Variants in ACAD10 observed in about 807,000 individuals in gnomAD.
ACAD10 encodes the protein ACAD-10.
A neutral mutation model predicts 116.8 loss-of-function variants in ACAD10; 112 were observed. The observed-to-expected ratio is 0.96, with a 90% CI of 0.82 to 1.12. ACAD10 has a LOEUF of 1.12. ACAD10 is among the 50% of genes most tolerant of loss of function. ACAD10 has a pLI of 0.00. For synonymous variants in ACAD10, 486 were observed against 510.6 expected (o/e 0.95, Z 0.65); for missense variants, 1,259 against 1,350.2 (o/e 0.93, Z 1.06).
chr12:111,734,608 G>A (rs988967848), intron 11 of ACAD10, among the ~76,000 whole-genome samples: 2 of 151,842 alleles, frequency 1.3e-5, no homozygotes, highest in African/African-American at 4.8e-5. Context: ...TGGGCAACAG[G>A]GCGAGACTCC....
chr12:111,749,458 G>A (rs1890009507), intron 18 of ACAD10, 113 bp downstream of exon 18: 4 of 1,368,516 alleles, frequency 2.9e-6, no homozygotes, highest in Non-Finnish European at 3.9e-6. Flanking sequence ...GTGAAGCAAG[G>A]TGATGTCCTT....
chr12:111,690,487 A>G (rs1405921207), intron 1 of ACAD10: 1 of 152,048 alleles, frequency 6.6e-6, no homozygotes, highest in Non-Finnish European at 1.5e-5. Flanking sequence ...CTCAACCTCT[A>G]CAGTTTTTTA....
At chr12:111,689,198 T>C (rs1235506912) in intron 1 of ACAD10, among the ~76,000 whole-genome samples, 1 of 151,656 alleles carries the variant, frequency 6.6e-6, no homozygotes, top group Non-Finnish European at 1.5e-5. Flanking sequence ...TCAAAAAATA[T>C]ATATATTTAA....
intron 8 of ACAD10, among the ~76,000 whole-genome samples, chr12:111,722,516 A>G (rs1299543323): frequency 6.6e-6 from 1 of 151,292 alleles, no homozygotes; most frequent in Admixed American, 6.6e-5. Flanking sequence ...TGGTTTTCCT[A>G]GCAGAGGACC....
At chr12:111,753,612 C>A in intron 18 of ACAD10, 160 bp from the exon 19 acceptor site, 8 of 950,858 alleles carry the variant, frequency 8.4e-6, no homozygotes, top group African/African-American at 1.6e-5. Context: ...CATGGCTGCA[C>A]ACAGGCACCT....
chr12:111,726,513 A>C (rs1159553654), intron 8 of ACAD10, among the ~76,000 whole-genome samples: 1 of 152,116 alleles, frequency 6.6e-6, no homozygotes, highest in South Asian at 2.1e-4. Context: ...ATACCCTGGA[A>C]GCTCCCTTAA....
In ACAD10 at chr12:111,747,139, C is replaced by G; in HGVS notation, c.2347C>G (p.Leu783Val). 1 of 1,613,326 alleles carries G rather than the reference C, an allele frequency of 6.2e-7. No individual in the cohort carries two copies. Among genetic ancestry groups the G allele is most frequent in the South Asian group, 1.1e-5 (1 of 90,984 alleles). Residue 783 changes from leucine to valine, a missense_variant, in exon 15 of 21, where the codon CTG becomes GTG. Transcript: ENST00000313698. ...GCAGAAGGCTCGCTGGCTGATTCCT[C>G]TGCTGGAGGGGAAAGCCCGCTCCTG... ...EAQKARWLIPLLEGKARSCFA... is the reference protein window; with the variant it reads ...EAQKARWLIPVLEGKARSCFA...
In ACAD10 at chr12:111,712,989, C is replaced by T. The variant is rs762599023; in HGVS notation, c.850+332C>T. Among the ~76,000 whole-genome samples the T allele has an allele frequency of 4.6e-5, 7 of 152,234 alleles. 1 individual carries two copies. The highest frequency in any genetic ancestry group is 4.1e-4 in the South Asian group (2 of 4,822). On this transcript the variant is annotated intron_variant, in intron 6 of 20. Coordinates refer to ENST00000313698, the MANE Select transcript of ACAD10 (RefSeq NM_025247.6). Reference sequence around the variant, plus strand: ...TTTTACAGTTTCTAATGCTTTGAGACGACAGCCCATTTTGTGAAGACGACT... The same window carrying T: ...TTTTACAGTTTCTAATGCTTTGAGATGACAGCCCATTTTGTGAAGACGACT...
chr12:111,699,338 C>G (rs1888282772), intron 2 of ACAD10, among the ~76,000 whole-genome samples: 1 of 152,128 alleles, frequency 6.6e-6, no homozygotes, highest in Admixed American at 6.6e-5. Flanking sequence ...ATTGAATAGT[C>G]ACTGCTAAAA....
At chr12:111,756,208 A>G (rs1420638541) in intron 20 of ACAD10, 125 bp from the exon 21 acceptor site, 5 of 1,445,068 alleles carry the variant, frequency 3.5e-6, no homozygotes, top group Non-Finnish European at 3.6e-6. Flanking sequence ...ATTGTATCAC[A>G]TAGGTGCCAC....
chr12:111,749,543 C>A, intron 18 of ACAD10, 198 bp downstream of exon 18: 1 of 719,780 alleles, frequency 1.4e-6, no homozygotes, highest in Non-Finnish European at 2.2e-6. Flanking sequence ...GAATGGACCC[C>A]ACTCTGTCGA....
chr12:111,753,802 C>T lies in ACAD10; in HGVS notation c.2848C>T (p.Leu950=), dbSNP rs373236352. ...GTCCCGCTTGGCTTTTGGGAAGCCC[C>T]TGGTGGAGCAGGGCACAGTGCTGGC... ...VKSRLAFGKP[L]VEQGTVLADI... The change falls in exon 19 of 21, where the codon CTG becomes TTG. Residue 950 remains leucine (L), a synonymous_variant. Transcript: ENST00000313698. The T allele has an allele frequency of 3.7e-6, 6 of 1,613,894 alleles. No homozygotes were observed. In the African/African-American group the frequency reaches 5.3e-5, roughly 14 times the overall value.
rs1214974762 is a variant in ACAD10 at position 111,746,934 on chromosome 12, A to G, written c.2257-115A>G. 6.4e-6 allele frequency: 9 copies of G among 1,397,450 alleles called. No homozygotes were observed. In the Admixed American group the frequency reaches 1.9e-4, roughly 30 times the overall value. The allele number at this position is 1,397,450 out of a possible 1,614,324, so 86.6% of individuals were successfully genotyped here. A position where few individuals can be genotyped will look rare whatever the true frequency, so the allele number is the denominator to read the frequency against. On this transcript the variant is annotated intron_variant, in intron 14 of 20. Coordinates refer to ENST00000313698, the MANE Select transcript of ACAD10 (RefSeq NM_025247.6). ...AGGATGGCTTGAGCTGAGGAAGTCG[A>G]GGCTGCAGTGAGCCATGATCGTGCC...
chr12:111,737,045 T>G, intron 12 of ACAD10, 41 bp downstream of exon 12: 3 of 1,599,922 alleles, frequency 1.9e-6, no homozygotes, highest in Non-Finnish European at 2.6e-6. Flanking sequence ...GCGGGGTGAG[T>G]CACAGCAAGG....
chr12:111,734,448 AACCCTGTCTCT>A (rs1311537605), intron 11 of ACAD10, among the ~76,000 whole-genome samples: 8 of 151,974 alleles, frequency 5.3e-5, no homozygotes, highest in Non-Finnish European at 1.2e-4. Context: ...CAACATGGTG[AACCCTGTCTCT>A]ACTAAAAATA....
intron 10 of ACAD10, among the ~76,000 whole-genome samples, chr12:111,731,235 CAT>C (rs1163252920): frequency 7.9e-5 from 12 of 152,226 alleles, no homozygotes; most frequent in African/African-American, 2.4e-4. Flanking sequence ...CTTTCTTTGT[CAT>C]GTGGTCATCA....
rs764274344 is a variant in ACAD10, at chr12:111,737,029, G to A, written c.1714+25G>A. ...GGTAATGGGATGGCTGCCCTGAAGA[G>A]CCACTGCGGGGTGAGTCACAGCAAG... On this transcript the variant is annotated intron_variant, in intron 12 of 20. Transcript: ENST00000313698. The A allele has an allele frequency of 3.7e-6, 6 of 1,609,830 alleles. 1 individual carries two copies. Among genetic ancestry groups the A allele is most frequent in the Middle Eastern group, 1.7e-4 (1 of 5,966 alleles).
At chr12:111,689,833 A>G (rs543137298) in intron 1 of ACAD10, among the ~76,000 whole-genome samples, 11 of 151,146 alleles carry the variant, frequency 7.3e-5, no homozygotes, top group Non-Finnish European at 1.5e-4. Context: ...CTCCTGCCTC[A>G]GCCTCTTGAG....
intron 10 of ACAD10, 46 bp downstream of exon 10, chr12:111,730,002 T>C (rs1889342881): frequency 6.3e-7 from 1 of 1,592,014 alleles, no homozygotes; most frequent in Non-Finnish European, 8.6e-7. Flanking sequence ...GCAAGGATGC[T>C]CCAAGGGGGA....
Sources: gnomAD v4.1 joint callset for allele counts (sites outside exome capture counted in the v4.1 genomes callset) on GRCh38, gnomAD v4.1.1 for gene constraint, MANE v1.5 for transcripts, NCBI Gene and HGNC (gene_info 2026-07-23, HGNC 2026-07-21) for gene names.